Variants in WIZ observed in about 807,000 individuals in gnomAD.
WIZ encodes protein Wiz.
WIZ carries 25 observed loss-of-function variants against 140.2 expected under a neutral mutation model. That is an observed-to-expected ratio of 0.18 (90% confidence interval 0.13 to 0.25). The LOEUF (loss-of-function observed/expected upper bound fraction) is 0.25. WIZ is among the 10% of genes least tolerant of loss of function. The pLI is 1.00. For missense variants in WIZ, 2,231 were observed against 2,632.6 expected (o/e 0.85, Z 3.34); for synonymous variants, 1,125 against 1,154.3 (o/e 0.97, Z 0.51).
rs574936760 is a variant in WIZ at position 15,439,718 on chromosome 19, C to T, written c.1276G>A (p.Glu426Lys). ...YVQHAKLHMR[E>K]PPGQTTKEPF... ...TCTTTGGTGGTCTGGCCTGGGGGCT[C>T]ACGCATGTGCAGCTTGGCATGCTGC... The change falls in exon 4 of 13, where the codon GAG (glutamate) becomes AAG (lysine). Residue 426 changes from glutamate (E) to lysine (K), a missense_variant. By Grantham distance (56) the Glu-to-Lys change is moderately conservative (BLOSUM62 1). This residue lies in a region of WIZ where 475 missense variants were observed against 520.2 expected (regional missense o/e 0.91). Transcript: ENST00000673675. The surrounding 1 kb of genome is among the most constrained non-coding windows in gnomAD (Gnocchi z 7.0). 18 of 1,478,702 alleles carry T rather than the reference C, an allele frequency of 1.2e-5. No homozygotes were observed. In the East Asian group the frequency reaches 2.0e-4, roughly 16 times the overall value. The allele number at this position is 1,478,702 out of a possible 1,614,324, so 91.6% of individuals were successfully genotyped here.
intron 5 of WIZ, among the ~76,000 whole-genome samples, chr19:15,431,915 G>A (rs1969266354): frequency 6.6e-6 from 1 of 152,242 alleles, no homozygotes; most frequent in South Asian, 2.1e-4. Context: ...GGCCTGGGAG[G>A]CCAGTTGAAC....
Position 15,429,783 on chromosome 19 carries a change from G to A in WIZ, c.3218C>T (p.Ser1073Leu), listed in dbSNP as rs1231069394. Residue 1073 changes from serine to leucine, a missense_variant, in exon 7 of 13, where the codon TCG becomes TTG. Physicochemically the swap from Ser to Leu is moderately radical, Grantham distance 145. This residue lies in a region of WIZ where 163 missense variants were observed against 166.8 expected (regional missense o/e 0.98). Coordinates refer to ENST00000673675, the MANE Select transcript of WIZ (RefSeq NM_001371589.1). ...GCCCTTGGCCGAGAAGCCGGGAGGC[G>A]ACTTGATGGCTTTGTTGACAGCAGG... ...DAPAVNKAIK[S>L]PPGFSAKGLG... is the part of the protein sequence containing the mutation. 5 of 1,517,514 alleles carry A rather than the reference G, an allele frequency of 3.3e-6. No homozygotes were observed. Among genetic ancestry groups the A allele is most frequent in the South Asian group, 2.4e-5 (2 of 82,944 alleles). 94.0% of individuals were successfully genotyped at this position (1,517,514 alleles called of 1,614,324 possible).
At position 15,425,529 on chromosome 19, in the gene WIZ, C is replaced by T. The variant is rs751049991; in HGVS notation, c.4606G>A (p.Gly1536Arg). The change falls in exon 10 of 13, where the codon GGG (glycine) becomes AGG (arginine). Residue 1536 changes from glycine to arginine, a missense_variant. Transcript: ENST00000673675. Reference protein sequence around the residue: ...GDLAPALAEDGPPTVAPGPVQ... With the variant: ...GDLAPALAEDRPPTVAPGPVQ... Reference sequence around the variant, plus strand: ...GGCCCAGGGGCCACGGTGGGAGGCCCGTCCTCAGCCAGGGCAGGGGCCAGG... The same window carrying T: ...GGCCCAGGGGCCACGGTGGGAGGCCTGTCCTCAGCCAGGGCAGGGGCCAGG... 13 of 1,611,498 alleles carry T rather than the reference C, an allele frequency of 8.1e-6. No homozygotes were observed. The highest frequency in any genetic ancestry group is 4.5e-5 in the East Asian group (2 of 44,778).
rs1216888058 is a variant in WIZ, at chr19:15,440,828, G to A, written c.279-113C>T. 2.2e-5 allele frequency: 23 copies of A among 1,062,584 alleles called. No individual in the cohort carries two copies. Among genetic ancestry groups the A allele is most frequent in the South Asian group, 5.1e-5 (3 of 58,832 alleles). The allele number at this position is 1,062,584 out of a possible 1,614,324, so 65.8% of individuals were successfully genotyped here. A position where few individuals can be genotyped will look rare whatever the true frequency, so the allele number is the denominator to read the frequency against. On this transcript the variant is annotated intron_variant, in intron 3 of 12. Coordinates refer to ENST00000673675, the MANE Select transcript of WIZ (RefSeq NM_001371589.1). This position sits in a 1 kb window ranked among gnomAD's most constrained non-coding sequence, Gnocchi z 6.2. The stretch of plus-strand genomic sequence containing the variant: ...GAAGCAGGCCCCGGAGATCCAGCCC[G>A]AGGGTGACAGGGGTGTGGGGGTGAG...
chr19:15,439,537 A>G lies in WIZ; in HGVS notation c.1457T>C (p.Val486Ala). Residue 486 changes from valine to alanine, a missense_variant, in exon 4 of 13, where the codon GTG (valine) becomes GCG (alanine). Physicochemically the swap from Val to Ala is moderately conservative, Grantham distance 64. This residue lies in a region of WIZ where 475 missense variants were observed against 520.2 expected (regional missense o/e 0.91). Transcript: ENST00000673675. This position sits in a 1 kb window ranked among gnomAD's most constrained non-coding sequence, Gnocchi z 7.0. ...CTCCTCCCAGTGGGGATGGGCATGC[A>G]CCAGCCTCACGTGCTCCCTGAGCAG... is the stretch of plus-strand genomic sequence containing the variant. The part of the protein sequence containing the change: ...ESLLREHVRL[V>A]HAHPHWEEDG... The G allele has an allele frequency of 6.6e-7, 1 of 1,525,556 alleles. No individual in the cohort carries two copies. The highest frequency in any genetic ancestry group is 2.5e-5 in the East Asian group (1 of 40,788). The allele number at this position is 1,525,556 out of a possible 1,614,324, so 94.5% of individuals were successfully genotyped here.
intron 6 of WIZ, among the ~76,000 whole-genome samples, chr19:15,430,690 G>T (rs1322315474): frequency 6.6e-6 from 1 of 152,202 alleles, no homozygotes; most frequent in Non-Finnish European, 1.5e-5. Context: ...ACGAAGAAAT[G>T]GTGTCATGCG....
In WIZ at chr19:15,440,829, A is replaced by G; in HGVS notation, c.279-114T>C. ...AAGCAGGCCCCGGAGATCCAGCCCGAGGGTGACAGGGGTGTGGGGGTGAGG... is the reference window on the plus strand; with the variant it reads ...AAGCAGGCCCCGGAGATCCAGCCCGGGGGTGACAGGGGTGTGGGGGTGAGG... On this transcript the variant is annotated intron_variant, in intron 3 of 12. Coordinates refer to ENST00000673675, the MANE Select transcript of WIZ (RefSeq NM_001371589.1). This position sits in a 1 kb window ranked among gnomAD's most constrained non-coding sequence, Gnocchi z 6.2. 1 of 623,854 alleles carries G rather than the reference A, an allele frequency of 1.6e-6. No homozygotes were observed. Among genetic ancestry groups the G allele is most frequent in the Non-Finnish European group, 2.4e-6 (1 of 423,878 alleles). 38.6% of individuals were successfully genotyped at this position (623,854 alleles called of 1,614,324 possible).
rs1253987317 is a variant in WIZ, at chr19:15,424,390, A to T, written c.5315-12T>A. 5.0e-6 allele frequency: 8 copies of T among 1,597,934 alleles called. No individual in the cohort carries two copies. The highest frequency in any genetic ancestry group is 8.5e-7 in the Non-Finnish European group (1 of 1,175,330). On this transcript the variant is annotated splice_polypyrimidine_tract_variant and intron_variant, in intron 11 of 12. Coordinates refer to ENST00000673675, the MANE Select transcript of WIZ (RefSeq NM_001371589.1). This position sits in a 1 kb window ranked among gnomAD's most constrained non-coding sequence, Gnocchi z 9.7. ...TCGGCGTTCAAATTCTAAGGTGGAG[A>T]GGGGGACGGGAGATGAGTGGGAGGG... is the stretch of plus-strand genomic sequence containing the variant.
At chr19:15,437,692 A>T (rs1969567020) in intron 4 of WIZ, among the ~76,000 whole-genome samples, 1 of 152,238 alleles carries the variant, frequency 6.6e-6, no homozygotes, top group Admixed American at 6.5e-5. Context: ...ATGCTTCTCC[A>T]GTTGTGGACC....
At chr19:15,436,376 C>T (rs1028873931) in intron 5 of WIZ, 2 of 158,400 alleles carry the variant, frequency 1.3e-5, no homozygotes, top group African/African-American at 4.8e-5. Flanking sequence ...CCCTGTTTCA[C>T]CCTTTCCAGC....
rs1387926171 is a variant in WIZ, at chr19:15,440,366, G to A, written c.628C>T (p.Pro210Ser). Residue 210 changes from proline to serine, a missense_variant, in exon 4 of 13, where the codon CCA becomes TCA. Around this residue, in one of 15 missense-constraint regions of WIZ, gnomAD observed 307 missense variants for 294.1 expected, o/e 1.04. Coordinates refer to ENST00000673675, the MANE Select transcript of WIZ (RefSeq NM_001371589.1). The surrounding 1 kb of genome is among the most constrained non-coding windows in gnomAD (Gnocchi z 6.2). The stretch of plus-strand genomic sequence containing the variant: ...ACCCTCCTGAAGGGGGCGAGGGGTG[G>A]CGGCTGGGCAGGCAGGTCCAAGTGC... ...GLHLDLPAQPPPLAPFRRVFV... is the reference protein window; with the variant it reads ...GLHLDLPAQPSPLAPFRRVFV... The A allele has an allele frequency of 1.3e-6, 2 of 1,531,324 alleles. No homozygotes were observed. Among genetic ancestry groups the A allele is most frequent in the South Asian group, 1.2e-5 (1 of 83,900 alleles). 94.9% of individuals were successfully genotyped at this position (1,531,324 alleles called of 1,614,324 possible).
chr19:15,428,278 G>A lies in WIZ; in HGVS notation c.3646C>T (p.Pro1216Ser). The change falls in exon 8 of 13, where the codon CCT (proline) becomes TCT (serine). Residue 1216 changes from proline (P) to serine (S), a missense_variant. Coordinates refer to ENST00000673675, the MANE Select transcript of WIZ (RefSeq NM_001371589.1). The surrounding 1 kb of genome is among the most constrained non-coding windows in gnomAD (Gnocchi z 6.4). ...AAGGAGAGGGCCGCGGAGGTGGGAG[G>A]CGGCCGCCCCGGGTGGGCCAGGGCG... Reference protein sequence around the residue: ...RGALAHPGRPPPTSAALSLLP... With the variant: ...RGALAHPGRPSPTSAALSLLP... 1 of 1,527,312 alleles carries A rather than the reference G, an allele frequency of 6.5e-7. No individual in the cohort carries two copies. Among genetic ancestry groups the A allele is most frequent in the Non-Finnish European group, 8.7e-7 (1 of 1,143,672 alleles). 94.6% of individuals were successfully genotyped at this position (1,527,312 alleles called of 1,614,324 possible).
chr19:15,428,941 AG>A lies in WIZ; in HGVS notation c.3416-434del, dbSNP rs1969039400. ...TGCCAAATGGGGGGCTCCATTGGGC[AG>A]GGGGTGAGACCCTGGGGTCACCCCC... On this transcript the variant is annotated intron_variant, in intron 7 of 12. Coordinates refer to ENST00000673675, the MANE Select transcript of WIZ (RefSeq NM_001371589.1). This position sits in a 1 kb window ranked among gnomAD's most constrained non-coding sequence, Gnocchi z 6.4. Among the ~76,000 whole-genome samples, 1 of 152,180 alleles carries A rather than the reference AG, an allele frequency of 6.6e-6. No individual in the cohort carries two copies. The highest frequency in any genetic ancestry group is 2.1e-4 in the South Asian group (1 of 4,838).
In WIZ at chr19:15,440,341, A is replaced by T. The variant is rs1202910657; in HGVS notation, c.653T>A (p.Val218Glu). 4.6e-6 allele frequency: 7 copies of T among 1,524,620 alleles called. No individual in the cohort carries two copies. The highest frequency in any genetic ancestry group is 6.1e-6 in the Non-Finnish European group (7 of 1,139,612). The allele number at this position is 1,524,620 out of a possible 1,614,324, so 94.4% of individuals were successfully genotyped here. A position where few individuals can be genotyped will look rare whatever the true frequency, so the allele number is the denominator to read the frequency against. ...QPPPLAPFRRVFVPVEDTPKT... is the reference protein window; with the variant it reads ...QPPPLAPFRREFVPVEDTPKT... ...CGGGGTGTCTTCCACTGGCACAAAC[A>T]CCCTCCTGAAGGGGGCGAGGGGTGG... The change falls in exon 4 of 13, where the codon GTG becomes GAG. Residue 218 changes from valine to glutamate, a missense_variant. Physicochemically the swap from Val to Glu is moderately radical, Grantham distance 121. Coordinates refer to ENST00000673675, the MANE Select transcript of WIZ (RefSeq NM_001371589.1). The surrounding 1 kb of genome is among the most constrained non-coding windows in gnomAD (Gnocchi z 6.2).
rs543600150 is a variant in WIZ at position 15,427,717 on chromosome 19, G to A, written c.3815-184C>T. Among the ~76,000 whole-genome samples, 1 of 152,288 alleles carries A rather than the reference G, an allele frequency of 6.6e-6. No individual in the cohort carries two copies. The highest frequency in any genetic ancestry group is 2.1e-4 in the South Asian group (1 of 4,830). On this transcript the variant is annotated intron_variant, in intron 8 of 12. Coordinates refer to ENST00000673675, the MANE Select transcript of WIZ (RefSeq NM_001371589.1). This position sits in a 1 kb window ranked among gnomAD's most constrained non-coding sequence, Gnocchi z 6.4. Reference sequence around the variant, plus strand: ...GGGCCAGATACCCGGCAGGAGTGAGGGGAGGCTCCAGAGAGCACATGGGCC... The same window carrying A: ...GGGCCAGATACCCGGCAGGAGTGAGAGGAGGCTCCAGAGAGCACATGGGCC...
In WIZ at chr19:15,448,091, C is replaced by T. The variant is rs1969981639; in HGVS notation, c.205+12G>A. On this transcript the variant is annotated intron_variant, in intron 2 of 12. Coordinates refer to ENST00000673675, the MANE Select transcript of WIZ (RefSeq NM_001371589.1). Reference sequence around the variant, plus strand: ...GGATGCTCCCTGGGGGCCACACGGCCCATTCTCTTACCAGAGATGCCACCT... The same window carrying T: ...GGATGCTCCCTGGGGGCCACACGGCTCATTCTCTTACCAGAGATGCCACCT... 1 of 1,611,868 alleles carries T rather than the reference C, an allele frequency of 6.2e-7. No individual in the cohort carries two copies. Among genetic ancestry groups the T allele is most frequent in the Non-Finnish European group, 8.5e-7 (1 of 1,179,188 alleles).
Position 15,439,471 on chromosome 19 carries a change from CCTGG to C in WIZ, c.1519_1522del (p.Pro507AlafsTer49). On this transcript the variant is annotated frameshift_variant, in exon 4 of 13. Transcript: ENST00000673675. LOFTEE classifies it high-confidence loss of function. The surrounding 1 kb of genome is among the most constrained non-coding windows in gnomAD (Gnocchi z 7.0). ...GCAGGCGTGAGCATCCTGGCTAGTG[CCTGG>C]CTGGCTGGCAGGGTCTTCCTCATAA... The C allele has an allele frequency of 6.5e-7, 1 of 1,534,910 alleles. No homozygotes were observed. Among genetic ancestry groups the C allele is most frequent in the Non-Finnish European group, 8.7e-7 (1 of 1,146,202 alleles).
intron 9 of WIZ, 109 bp downstream of exon 9, chr19:15,426,873 C>A (rs762446832): frequency 1.5e-6 from 2 of 1,323,586 alleles, no homozygotes; most frequent in East Asian, 2.3e-5. Context: ...TCTCTACCTG[C>A]GTGTCCTCCC....
intron 10 of WIZ, 66 bp downstream of exon 10, chr19:15,425,175 G>A (rs1968661903): frequency 6.5e-7 from 1 of 1,545,584 alleles, no homozygotes; most frequent in Non-Finnish European, 8.7e-7. Flanking sequence ...GTGCACGCTT[G>A]TGGCATTGCC....
Sources: gnomAD v4.1 joint callset for allele counts (sites outside exome capture counted in the v4.1 genomes callset) on GRCh38, gnomAD v4.1.1 for gene constraint, gnomAD v4.1.1 regional missense constraint, Gnocchi (gnomAD v3.1) non-coding constraint, MANE v1.5 for transcripts, NCBI Gene and HGNC (gene_info 2026-07-23, HGNC 2026-07-21) for gene names.